PEX5L: variants seen among roughly 807,000 people sequenced by gnomAD.
The protein encoded by PEX5L is PEX5-related protein.
A neutral mutation model predicts 84.0 loss-of-function variants in PEX5L; 30 were observed. That is an observed-to-expected ratio of 0.36 (90% confidence interval 0.27 to 0.48). The LOEUF is 0.48. Ranked by LOEUF, PEX5L falls within the 20% of genes least tolerant of loss-of-function variation. The probability of loss-of-function intolerance (pLI) is 0.99; values close to 1 mark genes in which losing one functional copy is unlikely to be tolerated. For missense variants in PEX5L, 533 were observed against 754.6 expected, an observed-to-expected ratio of 0.71 and a Z score of 3.44; for synonymous variants, 270 against 283.1, an observed-to-expected ratio of 0.95 and a Z score of 0.46.
chr3:180,026,609 T>G (rs565418278), intron 1 of PEX5L, among the ~76,000 whole-genome samples: 1 of 152,212 alleles, frequency 6.6e-6, no homozygotes, highest in Non-Finnish European at 1.5e-5. Flanking sequence ...TGATCAATGA[T>G]AGAGGAACCA....
chr3:179,908,284 G>T (rs926989526), intron 2 of PEX5L, among the ~76,000 whole-genome samples: 2 of 152,132 alleles, frequency 1.3e-5, no homozygotes, highest in African/African-American at 4.8e-5. Flanking sequence ...GCGTGTAGCT[G>T]GGGGTGGTCA....
At chr3:179,941,639 C>A (rs1776114583) in intron 2 of PEX5L, among the ~76,000 whole-genome samples, 1 of 152,172 alleles carries the variant, frequency 6.6e-6, no homozygotes, top group African/African-American at 2.4e-5. Context: ...CTACCCACAA[C>A]ATTGATTAAC....
chr3:179,805,593 C>T (rs999931648), intron 14 of PEX5L, among the ~76,000 whole-genome samples: 1 of 152,214 alleles, frequency 6.6e-6, no homozygotes, highest in Non-Finnish European at 1.5e-5. Context: ...GTTAAACCCA[C>T]AGATGAGGAA....
chr3:179,975,443 A>G (rs2110297265), intron 1 of PEX5L, among the ~76,000 whole-genome samples: 1 of 152,354 alleles, frequency 6.6e-6, no homozygotes, highest in South Asian at 2.1e-4. Flanking sequence ...ATATATAAAG[A>G]ACATTTTGAA....
At chr3:179,975,533 T>C (rs1218763575) in intron 1 of PEX5L, among the ~76,000 whole-genome samples, 1 of 152,196 alleles carries the variant, frequency 6.6e-6, no homozygotes, top group Non-Finnish European at 1.5e-5. Flanking sequence ...GATGTCAAAA[T>C]AAATATAAAG....
chr3:179,960,646 G>A (rs1360366725), intron 2 of PEX5L, among the ~76,000 whole-genome samples: 1 of 152,122 alleles, frequency 6.6e-6, no homozygotes, highest in Non-Finnish European at 1.5e-5. Context: ...ACAAAAACAA[G>A]TTGCTTCCTT....
chr3:179,997,349 G>A (rs1787981062), intron 1 of PEX5L, among the ~76,000 whole-genome samples: 2 of 152,142 alleles, frequency 1.3e-5, no homozygotes, highest in Admixed American at 1.3e-4. Flanking sequence ...CTTACAGTGG[G>A]TCCAGTGGGT....
At chr3:180,024,070 G>T (rs1213935617) in intron 1 of PEX5L, among the ~76,000 whole-genome samples, 1 of 152,002 alleles carries the variant, frequency 6.6e-6, no homozygotes, top group East Asian at 1.9e-4. Context: ...TGTATATTTG[G>T]TCCACCCAGA....
At chr3:179,842,691 A>G (rs527983804) in intron 8 of PEX5L, among the ~76,000 whole-genome samples, 1 of 152,304 alleles carries the variant, frequency 6.6e-6, no homozygotes, top group Non-Finnish European at 1.5e-5. Flanking sequence ...GAAGAGTGAT[A>G]GAGAAAAATC....
chr3:179,824,599 G>A (rs539246632), intron 8 of PEX5L, among the ~76,000 whole-genome samples: 11 of 151,870 alleles, frequency 7.2e-5, no homozygotes, highest in Admixed American at 3.9e-4. Context: ...CCAGCTACTC[G>A]GGAGGCTGAG....
At chr3:179,856,715 T>C (rs923473249) in intron 8 of PEX5L, among the ~76,000 whole-genome samples, 5 of 152,228 alleles carry the variant, frequency 3.3e-5, no homozygotes, top group African/African-American at 7.2e-5. Flanking sequence ...TCTCCACACC[T>C]GTTCACACCT....
At chr3:179,817,554 T>C (rs1726636047) in intron 9 of PEX5L, among the ~76,000 whole-genome samples, 1 of 152,228 alleles carries the variant, frequency 6.6e-6, no homozygotes, top group South Asian at 2.1e-4. Flanking sequence ...ATGAGCTATT[T>C]TTAAGCCCTT....
intron 1 of PEX5L, among the ~76,000 whole-genome samples, chr3:179,986,059 C>G (rs1019466167): frequency 6.6e-6 from 1 of 152,026 alleles, no homozygotes; most frequent in African/African-American, 2.4e-5. Context: ...TGATCTGGCT[C>G]TCTCTGCACA....
intron 2 of PEX5L, among the ~76,000 whole-genome samples, chr3:179,937,774 T>C (rs1383633543): frequency 3.3e-5 from 5 of 152,214 alleles, no homozygotes; most frequent in Non-Finnish European, 7.3e-5. Context: ...TGGTATTATT[T>C]GTTAGGACTA....
At chr3:179,899,660 T>G (rs1463571040) in intron 2 of PEX5L, among the ~76,000 whole-genome samples, 1 of 152,166 alleles carries the variant, frequency 6.6e-6, no homozygotes, top group African/African-American at 2.4e-5. Flanking sequence ...AGCTTTTCTT[T>G]ATGAGAACAA....
chr3:179,974,802 A>G (rs1284723703), intron 1 of PEX5L, among the ~76,000 whole-genome samples: 1 of 152,024 alleles, frequency 6.6e-6, no homozygotes, highest in East Asian at 1.9e-4. Flanking sequence ...CCTTAACCCT[A>G]CCTCCTGTTT....
rs574822694 is a variant in PEX5L, at chr3:179,828,997, G to A, written c.823-9021C>T. 8.3e-4 allele frequency among the ~76,000 whole-genome samples: 127 copies of A among 152,240 alleles called. No individual in the cohort carries two copies. In the Middle Eastern group the frequency reaches 0.017, roughly 20 times the overall value. On this transcript the variant is annotated intron_variant, in intron 8 of 14. Transcript: ENST00000467460. ...GAGAAAAGAATTAAAATAATTTTTG[G>A]TGTGTTTTTGAGAAGAACACTCATT...
chr3:179,956,851 A>C (rs922338494), intron 2 of PEX5L, among the ~76,000 whole-genome samples: 1 of 152,232 alleles, frequency 6.6e-6, no homozygotes, highest in African/African-American at 2.4e-5. Flanking sequence ...AACATCATGC[A>C]GAATTCACGG....
At chr3:179,896,752 A>G (rs1759450269) in intron 3 of PEX5L, among the ~76,000 whole-genome samples, 1 of 152,142 alleles carries the variant, frequency 6.6e-6, no homozygotes, top group Admixed American at 6.6e-5. Flanking sequence ...TTAAGCAAGA[A>G]CTTCAAGTAG....
Sources: gnomAD v4.1 joint callset for allele counts (sites outside exome capture counted in the v4.1 genomes callset) on GRCh38, gnomAD v4.1.1 for gene constraint, MANE v1.5 for transcripts, NCBI Gene and HGNC (gene_info 2026-07-23, HGNC 2026-07-21) for gene names.